The following CHRNG variants were observed in gnomAD, a reference collection of about 807,000 sequenced individuals.
CHRNG encodes cholinergic receptor nicotinic gamma subunit.
Under a neutral mutation model 65.2 loss-of-function variants are expected in CHRNG, and 72 were observed. The ratio of observed to expected loss-of-function variants is 1.10; its 90% CI spans 0.91 to 1.34. The LOEUF is 1.34. CHRNG is among the 40% of genes most tolerant of loss of function. CHRNG has a pLI of 0.00. For missense variants in CHRNG, 637 were observed against 680.1 expected (o/e 0.94, Z 0.70); for synonymous variants, 284 against 290.2 (o/e 0.98, Z 0.22).
At position 232,544,355 on chromosome 2, in the gene CHRNG, C is replaced by T. The variant is rs769284436; in HGVS notation, c.1036-12C>T. 2 of 1,605,892 alleles carry T rather than the reference C, an allele frequency of 1.2e-6. No individual in the cohort carries two copies. The highest frequency in any genetic ancestry group is 1.1e-5 in the South Asian group (1 of 90,966). On this transcript the variant is annotated splice_polypyrimidine_tract_variant and intron_variant, in intron 9 of 11. Transcript: ENST00000651502. The stretch of plus-strand genomic sequence containing the variant: ...TCGGCCTGCTGCCCTAGTGAAGCCA[C>T]CCCCTCTCTAGGTGTTCCTGAGGCT...
chr2:232,544,093 C>T (rs1365796208), intron 9 of CHRNG, among the ~76,000 whole-genome samples: 1 of 152,190 alleles, frequency 6.6e-6, no homozygotes, highest in East Asian at 1.9e-4. Context: ...GTTGCACATG[C>T]AGATTCCCAG....
At position 232,540,705 on chromosome 2, in the gene CHRNG, A is replaced by C; in HGVS notation, c.344A>C (p.Glu115Ala). ...TMVWRPDIVL[E>A]NNVDGVFEVA... is the part of the protein sequence containing the mutation. Reference sequence around the variant, plus strand: ...GTGTGGCGGCCGGATATCGTGCTGGAGAACAAGTGAGGAGGGGGTGCAGGC... The same window carrying C: ...GTGTGGCGGCCGGATATCGTGCTGGCGAACAAGTGAGGAGGGGGTGCAGGC... The change falls in exon 4 of 12, where the codon GAG (glutamate) becomes GCG (alanine). Residue 115 changes from glutamate (E) to alanine (A), a missense_variant. By Grantham distance (107) the Glu-to-Ala change is moderately radical. Coordinates refer to ENST00000651502, the MANE Select transcript of CHRNG (RefSeq NM_005199.5). This position sits in a 1 kb window ranked among gnomAD's most constrained non-coding sequence, Gnocchi z 4.2. 6.2e-7 allele frequency: 1 copy of C among 1,610,816 alleles called. No homozygotes were observed. Among genetic ancestry groups the C allele is most frequent in the Non-Finnish European group, 8.5e-7 (1 of 1,179,540 alleles).
Position 232,541,318 on chromosome 2 carries a change from G to A in CHRNG, c.351-56G>A. 1.9e-6 allele frequency: 3 copies of A among 1,610,106 alleles called. No individual in the cohort carries two copies. Among genetic ancestry groups the A allele is most frequent in the Non-Finnish European group, 2.5e-6 (3 of 1,177,472 alleles). Reference sequence around the variant, plus strand: ...GGGGCACAGGGGCTGGTCTGGGGCTGGGGTGTCGGGGGCTGAGCCCACAGC... The same window carrying A: ...GGGGCACAGGGGCTGGTCTGGGGCTAGGGTGTCGGGGGCTGAGCCCACAGC... On this transcript the variant is annotated intron_variant, in intron 4 of 11. Transcript: ENST00000651502. This position sits in a 1 kb window ranked among gnomAD's most constrained non-coding sequence, Gnocchi z 4.0.
Position 232,543,063 on chromosome 2 carries a change from C to T in CHRNG, c.786C>T (p.Ile262=). ...CVLISSVAIL[I]HFLPAKAGGQ... ...TCATCTCCTCTGTCGCCATCCTCATCCACTTCCTTCCTGCCAAGGGTACCT... is the reference window on the plus strand; with the variant it reads ...TCATCTCCTCTGTCGCCATCCTCATTCACTTCCTTCCTGCCAAGGGTACCT... The change falls in exon 7 of 12, where the codon ATC becomes ATT. Residue 262 remains isoleucine (I), a synonymous_variant. Transcript: ENST00000651502. The T allele has an allele frequency of 3.1e-6, 5 of 1,614,194 alleles. No homozygotes were observed. Among genetic ancestry groups the T allele is most frequent in the South Asian group, 1.1e-5 (1 of 91,090 alleles).
intron 11 of CHRNG, among the ~76,000 whole-genome samples, chr2:232,545,157 A>G (rs1372955380): frequency 6.6e-6 from 1 of 152,048 alleles, no homozygotes; most frequent in Non-Finnish European, 1.5e-5. Flanking sequence ...AATACCAAAA[A>G]TTAGCTGGGT....
rs572750093 is a variant in CHRNG at position 232,547,332 on chromosome 2, C to A, written c.*1616C>A. On this transcript the variant is annotated 3_prime_UTR_variant, in exon 12 of 12. Transcript: ENST00000651502. ...ACTCGGGAGGCTGAGGTGGGAGGAT[C>A]GCTTGAGCCCAGGAGGTCTAGGCTG... Among the ~76,000 whole-genome samples, 1 of 152,076 alleles carries A rather than the reference C, an allele frequency of 6.6e-6. No homozygotes were observed. The highest frequency in any genetic ancestry group is 2.4e-5 in the African/African-American group (1 of 41,410).
chr2:232,541,254 G>A lies in CHRNG; in HGVS notation c.351-120G>A. 1 of 1,280,202 alleles carries A rather than the reference G, an allele frequency of 7.8e-7. No individual in the cohort carries two copies. Among genetic ancestry groups the A allele is most frequent in the Non-Finnish European group, 1.1e-6 (1 of 888,374 alleles). 79.3% of individuals were successfully genotyped at this position (1,280,202 alleles called of 1,614,324 possible). ...GGTGGGAACCAGTCAGGGGGTGACA[G>A]GCTGGTAGGGACTGGTGTCCCCAGG... On this transcript the variant is annotated intron_variant, in intron 4 of 11. Transcript: ENST00000651502. The surrounding 1 kb of genome is among the most constrained non-coding windows in gnomAD (Gnocchi z 4.0).
At position 232,545,870 on chromosome 2, in the gene CHRNG, A is replaced by C. The variant is rs1692123585; in HGVS notation, c.*154A>C. ...AACAGCCCTGAGAAAAGCTGGGGAA[A>C]CAGTCTGAGCTGGAGTCCGAGAGTG... is the stretch of plus-strand genomic sequence containing the variant. On this transcript the variant is annotated 3_prime_UTR_variant, in exon 12 of 12. Transcript: ENST00000651502. 2 of 890,838 alleles carry C rather than the reference A, an allele frequency of 2.2e-6. No individual in the cohort carries two copies. Among genetic ancestry groups the C allele is most frequent in the Admixed American group, 2.0e-5 (1 of 50,314 alleles). 55.2% of individuals were successfully genotyped at this position (890,838 alleles called of 1,614,324 possible). A position where few individuals can be genotyped will look rare whatever the true frequency, so the allele number is the denominator to read the frequency against.
chr2:232,540,408 A>G lies in CHRNG; in HGVS notation c.223A>G (p.Asn75Asp), dbSNP rs780516350. The change falls in exon 3 of 12, where the codon AAT becomes GAT. Residue 75 changes from asparagine (N) to aspartate (D), a missense_variant. Coordinates refer to ENST00000651502, the MANE Select transcript of CHRNG (RefSeq NM_005199.5). This position sits in a 1 kb window ranked among gnomAD's most constrained non-coding sequence, Gnocchi z 4.2. ...LNEREEALTT[N>D]VWIEMQWCDY... ...CGAGCGAGAGGAAGCCCTCACCACC[A>G]ATGTCTGGATAGAGATGGTAAGAGG... is the stretch of plus-strand genomic sequence containing the variant. The G allele has an allele frequency of 2.5e-6, 4 of 1,613,966 alleles. No homozygotes were observed. The East Asian group carries it at 8.9e-5, about 36-fold the overall frequency.
In CHRNG at chr2:232,540,689, C is replaced by A. The variant is rs1272115441; in HGVS notation, c.328C>A (p.Pro110Thr). Residue 110 changes from proline (P) to threonine (T), a missense_variant, in exon 4 of 12, where the codon CCG becomes ACG. Pro to Thr is a conservative substitution (Grantham distance 38, BLOSUM62 -1). Transcript: ENST00000651502. The surrounding 1 kb of genome is among the most constrained non-coding windows in gnomAD (Gnocchi z 4.2). Reference sequence around the variant, plus strand: ...GGTGCCGTCCACCATGGTGTGGCGGCCGGATATCGTGCTGGAGAACAAGTG... The same window carrying A: ...GGTGCCGTCCACCATGGTGTGGCGGACGGATATCGTGCTGGAGAACAAGTG... The part of the protein sequence containing the change: ...LRVPSTMVWR[P>T]DIVLENNVDG... 2 of 1,611,806 alleles carry A rather than the reference C, an allele frequency of 1.2e-6. No individual in the cohort carries two copies. The highest frequency in any genetic ancestry group is 3.3e-5 in the Admixed American group (2 of 59,948).
Position 232,542,450 on chromosome 2 carries a change from T to C in CHRNG, c.534T>C (p.Ile178=). 1 of 1,613,878 alleles carries C rather than the reference T, an allele frequency of 6.2e-7. No individual in the cohort carries two copies. The highest frequency in any genetic ancestry group is 8.5e-7 in the Non-Finnish European group (1 of 1,179,844). ...CCCAGACTTACAGCACCAATGAGAT[T>C]GATCTGCAGCTGAGTCAGGAAGATG... ...FQSQTYSTNE[I]DLQLSQEDGQ... is the part of the protein sequence containing the mutation. The change falls in exon 6 of 12, where the codon ATT becomes ATC. Residue 178 remains isoleucine (I), a synonymous_variant. Transcript: ENST00000651502.
In CHRNG at chr2:232,544,377, G is replaced by C; in HGVS notation, c.1046G>C (p.Arg349Thr). The change falls in exon 10 of 12, where the codon AGG becomes ACG. Residue 349 changes from arginine (R) to threonine (T), a missense_variant. By Grantham distance (71) the Arg-to-Thr change is moderately conservative. Transcript: ENST00000651502. The stretch of plus-strand genomic sequence containing the variant: ...CCACCCCCTCTCTAGGTGTTCCTGA[G>C]GCTCTTGCCCCAGCTGCTGAGGATG... ...MARGVRKVFL[R>T]LLPQLLRMHV... The C allele has an allele frequency of 6.2e-7, 1 of 1,613,270 alleles. No homozygotes were observed. Among genetic ancestry groups the C allele is most frequent in the South Asian group, 1.1e-5 (1 of 91,072 alleles).
chr2:232,543,589 C>T lies in CHRNG; in HGVS notation c.925C>T (p.Leu309=). Residue 309 remains leucine, a synonymous_variant, in exon 9 of 12, where the codon CTG becomes TTG. Coordinates refer to ENST00000651502, the MANE Select transcript of CHRNG (RefSeq NM_005199.5). The part of the protein sequence containing the change: ...SQAVPLISKY[L]TFLLVVTILI... ...CTGCCCACCCCACCCTGACAGGTAC[C>T]TGACCTTCCTCCTGGTGGTGACCAT... The T allele has an allele frequency of 6.2e-7, 1 of 1,606,936 alleles. No homozygotes were observed. The highest frequency in any genetic ancestry group is 8.5e-7 in the Non-Finnish European group (1 of 1,173,542).
chr2:232,541,798 C>T lies in CHRNG; in HGVS notation c.506+269C>T, dbSNP rs546268738. 9.4e-5 allele frequency: 52 copies of T among 555,172 alleles called. No individual in the cohort carries two copies. The highest frequency in any genetic ancestry group is 1.4e-4 in the Non-Finnish European group (43 of 308,184). 34.4% of individuals were successfully genotyped at this position (555,172 alleles called of 1,614,324 possible). A position where few individuals can be genotyped will look rare whatever the true frequency, so the allele number is the denominator to read the frequency against. On this transcript the variant is annotated intron_variant, in intron 5 of 11. Coordinates refer to ENST00000651502, the MANE Select transcript of CHRNG (RefSeq NM_005199.5). The surrounding 1 kb of genome is among the most constrained non-coding windows in gnomAD (Gnocchi z 4.0). ...AGGGGAGACATTCACGCCTGGGGTG[C>T]GTGGGTGAGAAGGCACACATGCACA...
chr2:232,544,872 T>C lies in CHRNG; in HGVS notation c.1350T>C (p.Cys450=), dbSNP rs1249825303. The part of the protein sequence containing the change: ...ACVEACNLIA[C]ARHQQSHFDN... The stretch of plus-strand genomic sequence containing the variant: ...TGGAAGCCTGCAACCTCATTGCCTG[T>C]GCCCGGCACCAGCAGAGTCACTTTG... Residue 450 remains cysteine (C), a synonymous_variant, in exon 11 of 12, where the codon TGT becomes TGC. Coordinates refer to ENST00000651502, the MANE Select transcript of CHRNG (RefSeq NM_005199.5). 5.6e-6 allele frequency: 9 copies of C among 1,613,840 alleles called. No homozygotes were observed. The highest frequency in any genetic ancestry group is 7.6e-6 in the Non-Finnish European group (9 of 1,180,018).
At chr2:232,543,513 G>C in intron 8 of CHRNG, 72 bp from the exon 9 acceptor site, 5 of 1,243,168 alleles carry the variant, frequency 4.0e-6, no homozygotes, top group Non-Finnish European at 5.9e-6. Flanking sequence ...AGGCCTGAGG[G>C]GGGGCAGCCA....
At chr2:232,544,998 G>A in intron 11 of CHRNG, 96 bp downstream of exon 11, 2 of 1,528,808 alleles carry the variant, frequency 1.3e-6, no homozygotes, top group South Asian at 2.3e-5. Flanking sequence ...ATAGGGCAGT[G>A]GGATGGAAAA....
chr2:232,543,813 G>A (rs908928098), intron 9 of CHRNG, 114 bp downstream of exon 9: 18 of 728,838 alleles, frequency 2.5e-5, no homozygotes, highest in African/African-American at 1.2e-4. Context: ...CATCCTGGGC[G>A]TATCTGGACG....
At chr2:232,539,942 C>T (rs770094816) in intron 1 of CHRNG, 50 bp from the exon 2 acceptor site, 14 of 1,613,330 alleles carry the variant, frequency 8.7e-6, no homozygotes, top group Middle Eastern at 1.7e-4. Context: ...AGGGCCTCCC[C>T]GCTCTTTCCA....
Sources: gnomAD v4.1 joint callset for allele counts (sites outside exome capture counted in the v4.1 genomes callset) on GRCh38, gnomAD v4.1.1 for gene constraint, Gnocchi (gnomAD v3.1) non-coding constraint, MANE v1.5 for transcripts, NCBI Gene and HGNC (gene_info 2026-07-23, HGNC 2026-07-21) for gene names.